Variants in ZBTB20 observed in about 807,000 individuals in gnomAD.
ZBTB20 encodes zinc finger and BTB domain containing 20, also known as zinc finger and BTB domain-containing protein 20.
In ZBTB20, 9 loss-of-function variants were observed where a neutral mutation model predicts 56.9. The ratio of observed to expected loss-of-function variants is 0.16; its 90% confidence interval spans 0.10 to 0.28. ZBTB20 has a LOEUF of 0.28. Ranked by LOEUF, ZBTB20 falls within the 10% of genes least tolerant of loss-of-function variation. The pLI, the probability that ZBTB20 is intolerant of heterozygous loss-of-function variation, is 1.00. For synonymous variants in ZBTB20, 417 were observed against 420.7 expected, an observed-to-expected ratio of 0.99 and a Z score of 0.11; for missense variants, 655 against 1,003.0, an observed-to-expected ratio of 0.65 and a Z score of 4.69.
chr3:114,461,594 T>G (rs949939956), intron 7 of ZBTB20, among the ~76,000 whole-genome samples: 3 of 152,212 alleles, frequency 2.0e-5, no homozygotes, highest in African/African-American at 4.8e-5. Flanking sequence ...TGTGAGCCAC[T>G]GCGCCCAGCC....
intron 4 of ZBTB20, among the ~76,000 whole-genome samples, chr3:114,841,836 GCTAATGAAAC>G (rs2074397670): frequency 6.6e-6 from 1 of 152,186 alleles, no homozygotes; most frequent in Admixed American, 6.5e-5. Context: ...AGATGCAGAT[GCTAATGAAAC>G]CTATGGGAGA....
intron 7 of ZBTB20, among the ~76,000 whole-genome samples, chr3:114,421,097 A>C (rs1392297856): frequency 2.0e-5 from 3 of 152,110 alleles, no homozygotes; most frequent in Non-Finnish European, 2.9e-5. Context: ...TTTTGGCTTT[A>C]ATCAATTCTT....
chr3:115,053,488 G>A (rs1195926141), intron 2 of ZBTB20, among the ~76,000 whole-genome samples: 1 of 152,166 alleles, frequency 6.6e-6, no homozygotes, highest in Admixed American at 6.5e-5. Context: ...ACTCAGGGTG[G>A]TGAGTTCACT....
intron 3 of ZBTB20, among the ~76,000 whole-genome samples, chr3:114,952,100 TTA>T (rs2077086121): frequency 6.6e-6 from 1 of 152,056 alleles, no homozygotes; most frequent in African/African-American, 2.4e-5. Context: ...ATTCATGTCA[TTA>T]TATTAACAGA....
intron 2 of ZBTB20, among the ~76,000 whole-genome samples, chr3:115,007,867 A>T (rs2079542337): frequency 1.3e-5 from 2 of 151,844 alleles, no homozygotes; most frequent in South Asian, 4.1e-4. Flanking sequence ...ATGTTTTGAC[A>T]TTCTTGACAA....
chr3:114,364,968 C>A (rs945497786), intron 10 of ZBTB20, among the ~76,000 whole-genome samples: 4 of 152,192 alleles, frequency 2.6e-5, no homozygotes, highest in Non-Finnish European at 5.9e-5. Context: ...CAGGCTTTAT[C>A]TGATGTGCCG....
At chr3:114,883,984 G>GCCGT (rs757338434) in intron 4 of ZBTB20, among the ~76,000 whole-genome samples, 4 of 117,196 alleles carry the variant, frequency 3.4e-5, no homozygotes, top group African/African-American at 1.2e-4. Flanking sequence ...GGAGTGCAGT[G>GCCGT]GCAGGATCTC....
At chr3:114,565,352 G>T (rs780458687) in intron 6 of ZBTB20, among the ~76,000 whole-genome samples, 1 of 152,092 alleles carries the variant, frequency 6.6e-6, no homozygotes, top group Non-Finnish European at 1.5e-5. Context: ...CCCGATTGTC[G>T]CAATCTTTTG....
intron 10 of ZBTB20, among the ~76,000 whole-genome samples, chr3:114,360,410 C>T (rs2081719879): frequency 6.7e-6 from 1 of 148,362 alleles, no homozygotes; most frequent in Admixed American, 6.8e-5. Context: ...GTGGCGCGAT[C>T]TCCAGCTCAC....
intron 5 of ZBTB20, among the ~76,000 whole-genome samples, chr3:114,767,982 T>C (rs2068901820): frequency 6.6e-6 from 1 of 150,380 alleles, no homozygotes; most frequent in South Asian, 2.1e-4. Flanking sequence ...TTAGATAAAA[T>C]ATAAAGTATA....
intron 2 of ZBTB20, among the ~76,000 whole-genome samples, chr3:114,997,261 G>A (rs536330817): frequency 6.6e-6 from 1 of 151,792 alleles, no homozygotes; most frequent in Non-Finnish European, 1.5e-5. Context: ...GGATCTCCAG[G>A]AATGACTGCT....
At chr3:114,998,945 T>C (rs1282131895) in intron 2 of ZBTB20, among the ~76,000 whole-genome samples, 1 of 138,492 alleles carries the variant, frequency 7.2e-6, no homozygotes, top group Non-Finnish European at 1.5e-5. Flanking sequence ...GTAAGATCAA[T>C]CAGAATATGG....
chr3:115,068,788 C>T (rs948871669), intron 2 of ZBTB20, among the ~76,000 whole-genome samples: 2 of 151,804 alleles, frequency 1.3e-5, no homozygotes, highest in East Asian at 3.9e-4. Flanking sequence ...GAAAATGTTT[C>T]AAATTCCACT....
intron 2 of ZBTB20, among the ~76,000 whole-genome samples, chr3:115,008,711 C>CAGGA (rs1263697884): frequency 3.3e-5 from 5 of 151,902 alleles, no homozygotes; most frequent in Non-Finnish European, 5.9e-5. Flanking sequence ...AAGTAACTTA[C>CAGGA]TCCTCCCTGT....
At chr3:115,081,009 G>A (rs1212257515) in intron 1 of ZBTB20, among the ~76,000 whole-genome samples, 3 of 152,116 alleles carry the variant, frequency 2.0e-5, no homozygotes, top group African/African-American at 7.2e-5. Flanking sequence ...TGACTGTATA[G>A]AAAAACTTAC....
At chr3:114,565,170 C>T (rs149487045) in intron 6 of ZBTB20, among the ~76,000 whole-genome samples, 11 of 152,240 alleles carry the variant, frequency 7.2e-5, no homozygotes, top group South Asian at 4.2e-4. Flanking sequence ...CTTTTAAAAA[C>T]GATGTTCATT....
intron 2 of ZBTB20, among the ~76,000 whole-genome samples, chr3:115,000,106 T>C (rs1207203276): frequency 6.6e-6 from 1 of 151,610 alleles, no homozygotes; most frequent in African/African-American, 2.4e-5. Flanking sequence ...ATGAGATCCA[T>C]CTGGCAATAC....
intron 3 of ZBTB20, among the ~76,000 whole-genome samples, chr3:114,952,282 T>C (rs1464568994): frequency 2.0e-5 from 3 of 152,034 alleles, no homozygotes; most frequent in African/African-American, 7.2e-5. Context: ...GAGTTGTTGA[T>C]AAAAAGAATA....
intron 2 of ZBTB20, among the ~76,000 whole-genome samples, chr3:115,043,118 T>C (rs1050778921): frequency 1.4e-4 from 21 of 152,212 alleles, no homozygotes; most frequent in African/African-American, 4.1e-4. Flanking sequence ...GCTCTGAAAA[T>C]ATTGCTTCTA....
Sources: gnomAD v4.1 joint callset for allele counts (sites outside exome capture counted in the v4.1 genomes callset) on GRCh38, gnomAD v4.1.1 for gene constraint, MANE v1.5 for transcripts, NCBI Gene and HGNC (gene_info 2026-07-23, HGNC 2026-07-21) for gene names.